The following SLC8A3 variants were observed in gnomAD, a reference collection of about 807,000 sequenced individuals.
SLC8A3 encodes the protein sodium/calcium exchanger 3.
A neutral mutation model predicts 65.4 loss-of-function variants in SLC8A3; 37 were observed. The observed-to-expected ratio is 0.57, with a 90% confidence interval of 0.44 to 0.74. The LOEUF (loss-of-function observed/expected upper bound fraction) is 0.74, where lower values mean the gene tolerates loss of function less well. SLC8A3 is among the 30% of genes least tolerant of loss of function. SLC8A3 has a pLI of 0.00. For synonymous variants in SLC8A3, 461 were observed against 444.5 expected (o/e 1.04, Z -0.47); for missense variants, 1,112 against 1,172.1 (o/e 0.95, Z 0.75).
rs1008959357 is a variant in SLC8A3, at chr14:70,050,911, C to A, written c.2113+97G>T. 64 of 731,914 alleles carry A rather than the reference C, an allele frequency of 8.7e-5. No homozygotes were observed. The African/African-American group carries it at 1.0e-3, about 12-fold the overall frequency. 45.3% of individuals were successfully genotyped at this position (731,914 alleles called of 1,614,324 possible). On this transcript the variant is annotated intron_variant, in intron 5 of 6. Coordinates refer to ENST00000356921, the MANE Select transcript of SLC8A3 (RefSeq NM_182932.3). Reference sequence around the variant, plus strand: ...GAGCTGGGAAGACTGAACACACAAGCCTTCCTAGGGACTGGCAGGCTGTTA... The same window carrying A: ...GAGCTGGGAAGACTGAACACACAAGACTTCCTAGGGACTGGCAGGCTGTTA...
intron 2 of SLC8A3, among the ~76,000 whole-genome samples, chr14:70,102,594 T>C (rs564634996): frequency 3.9e-5 from 6 of 152,128 alleles, no homozygotes; most frequent in Non-Finnish European, 5.9e-5. Context: ...GAACCTAATA[T>C]TGTGGTCATA....
At position 70,045,706 on chromosome 14, in the gene SLC8A3, C is replaced by A; in HGVS notation, c.*241G>T. ...AGATGGGGTGGAGGTGGATTTGTTG[C>A]TGTTGCTTGTTTGTATTCAATTAAA... is the stretch of plus-strand genomic sequence containing the variant. On this transcript the variant is annotated 3_prime_UTR_variant, in exon 7 of 7. Transcript: ENST00000356921. 1 of 392,774 alleles carries A rather than the reference C, an allele frequency of 2.5e-6. No individual in the cohort carries two copies. The highest frequency in any genetic ancestry group is 8.6e-5 in the South Asian group (1 of 11,596). The allele number at this position is 392,774 out of a possible 1,614,324, so 24.3% of individuals were successfully genotyped here.
chr14:70,115,617 A>T (rs1893602746), intron 2 of SLC8A3, among the ~76,000 whole-genome samples: 1 of 152,172 alleles, frequency 6.6e-6, no homozygotes, highest in African/African-American at 2.4e-5. Flanking sequence ...GACGATGGGA[A>T]GCACAGTAGG....
Position 70,137,063 on chromosome 14 carries a change from T to C in SLC8A3, c.1784+29576A>G, listed in dbSNP as rs557747652. The stretch of plus-strand genomic sequence containing the variant: ...ACCTCATTAGAGTCAGAGATAAAAC[T>C]GGGAACCAGGCCTCTAAGACCTAAA... On this transcript the variant is annotated intron_variant, in intron 2 of 6. Transcript: ENST00000356921. 6.6e-5 allele frequency among the ~76,000 whole-genome samples: 10 copies of C among 152,306 alleles called. No individual in the cohort carries two copies. The East Asian group carries it at 1.2e-3, about 18-fold the overall frequency.
chr14:70,168,173 G>A lies in SLC8A3; in HGVS notation c.250C>T (p.Leu84=). Residue 84 remains leucine (L), a synonymous_variant, in exon 2 of 7, where the codon CTG becomes TTG. Coordinates refer to ENST00000356921, the MANE Select transcript of SLC8A3 (RefSeq NM_182932.3). ...IARVIVYFVA[L]IYMFLGVSII... is the part of the protein sequence containing the mutation. ...GACACCCCAAGGAACATGTATATCA[G>A]GGCCACAAAATAGACAATGACCCTG... is the stretch of plus-strand genomic sequence containing the variant. The A allele has an allele frequency of 6.2e-7, 1 of 1,614,124 alleles. No individual in the cohort carries two copies.
chr14:70,126,270 TA>T (rs1392878657), intron 2 of SLC8A3, among the ~76,000 whole-genome samples: 2 of 151,444 alleles, frequency 1.3e-5, no homozygotes, highest in Non-Finnish European at 1.5e-5. Flanking sequence ...TCAATAATAG[TA>T]AAGAGTAACT....
intron 2 of SLC8A3, among the ~76,000 whole-genome samples, chr14:70,126,895 A>C (rs1894494456): frequency 6.9e-6 from 1 of 145,108 alleles, no homozygotes; most frequent in Admixed American, 6.8e-5. Flanking sequence ...TATATAATGC[A>C]AATATTCAAA....
chr14:70,109,216 T>C (rs1893098711), intron 2 of SLC8A3, among the ~76,000 whole-genome samples: 1 of 149,436 alleles, frequency 6.7e-6, no homozygotes, highest in Non-Finnish European at 1.5e-5. Flanking sequence ...TTTTTCACTT[T>C]AAGTTCTGGG....
chr14:70,176,804 T>C (rs943343888), intron 1 of SLC8A3, among the ~76,000 whole-genome samples: 1 of 152,236 alleles, frequency 6.6e-6, no homozygotes, highest in East Asian at 1.9e-4. Context: ...TCATGAAATA[T>C]AAAAAATCCA....
At chr14:70,175,288 C>T (rs1303070712) in intron 1 of SLC8A3, among the ~76,000 whole-genome samples, 1 of 152,140 alleles carries the variant, frequency 6.6e-6, no homozygotes, top group Non-Finnish European at 1.5e-5. Flanking sequence ...TATTTAATAC[C>T]TCACAAACCC....
intron 1 of SLC8A3, among the ~76,000 whole-genome samples, chr14:70,169,778 A>G (rs1018496441): frequency 6.6e-5 from 10 of 151,118 alleles, no homozygotes; most frequent in African/African-American, 1.9e-4. Context: ...TTTGTACAGC[A>G]CCTTAAAGAC....
chr14:70,162,946 C>T (rs1896969634), intron 2 of SLC8A3, among the ~76,000 whole-genome samples: 1 of 152,210 alleles, frequency 6.6e-6, no homozygotes, highest in Non-Finnish European at 1.5e-5. Flanking sequence ...AGGGAGCTCT[C>T]ATTGCTCCTT....
rs1897240689 is a variant in SLC8A3, at chr14:70,167,433, C to A, written c.990G>T (p.Lys330Asn). The change falls in exon 2 of 7, where the codon AAG becomes AAT. Residue 330 changes from lysine (K) to asparagine (N), a missense_variant. Coordinates refer to ENST00000356921, the MANE Select transcript of SLC8A3 (RefSeq NM_182932.3). ...CCATCTCCACCAGCTGATCTAAGTC[C>A]TTCTCTGGGTGTTTTTGCTTCAGAT... is the stretch of plus-strand genomic sequence containing the variant. ...LKDLKQKHPE[K>N]DLDQLVEMAN... 6.2e-7 allele frequency: 1 copy of A among 1,613,976 alleles called. No homozygotes were observed.
At chr14:70,113,686 G>T (rs2140153764) in intron 2 of SLC8A3, among the ~76,000 whole-genome samples, 1 of 152,318 alleles carries the variant, frequency 6.6e-6, no homozygotes, top group African/African-American at 2.4e-5. Flanking sequence ...GATTAAAAAT[G>T]AGGTGAATCA....
chr14:70,101,003 T>C (rs1214928332), intron 2 of SLC8A3, among the ~76,000 whole-genome samples: 2 of 152,228 alleles, frequency 1.3e-5, no homozygotes, highest in Non-Finnish European at 1.5e-5. Context: ...ATGTAAGGTA[T>C]TATGTTTGTC....
chr14:70,081,393 GA>G (rs1891040975), intron 2 of SLC8A3, among the ~76,000 whole-genome samples: 1 of 152,214 alleles, frequency 6.6e-6, no homozygotes, highest in Non-Finnish European at 1.5e-5. Context: ...TCTTGACTCA[GA>G]AAATTGGGAG....
At chr14:70,108,672 T>C (rs1412749269) in intron 2 of SLC8A3, among the ~76,000 whole-genome samples, 1 of 152,224 alleles carries the variant, frequency 6.6e-6, no homozygotes, top group East Asian at 1.9e-4. Context: ...GTGGTCCAAG[T>C]ATACACAAGT....
At chr14:70,155,360 A>G (rs534705230) in intron 2 of SLC8A3, among the ~76,000 whole-genome samples, 2 of 152,294 alleles carry the variant, frequency 1.3e-5, no homozygotes, top group African/African-American at 2.4e-5. Flanking sequence ...TTCACATTGT[A>G]TCCATTAACC....
intron 2 of SLC8A3, among the ~76,000 whole-genome samples, chr14:70,102,831 T>C (rs1346484378): frequency 6.6e-6 from 1 of 151,988 alleles, no homozygotes; most frequent in Non-Finnish European, 1.5e-5. Context: ...TCATGCAGTC[T>C]AACCTATGTA....
Sources: gnomAD v4.1 joint callset for allele counts (sites outside exome capture counted in the v4.1 genomes callset) on GRCh38, gnomAD v4.1.1 for gene constraint, MANE v1.5 for transcripts, NCBI Gene and HGNC (gene_info 2026-07-23, HGNC 2026-07-21) for gene names.